Variants in WDR5 observed in about 807,000 individuals in gnomAD.
WDR5 encodes WD repeat domain 5.
For missense variants in WDR5, 187 were observed against 416.9 expected, an observed-to-expected ratio of 0.45 and a Z score of 4.80; for synonymous variants, 144 against 161.6, an observed-to-expected ratio of 0.89 and a Z score of 0.83.
rs996722012 is a variant in WDR5, at chr9:134,139,929, A to C, written c.52A>C (p.Thr18Pro). 1.4e-5 allele frequency: 22 copies of C among 1,613,022 alleles called. No homozygotes were observed. Among genetic ancestry groups the C allele is most frequent in the African/African-American group, 4.0e-5 (3 of 74,756 alleles). Reference protein sequence around the residue: ...PETEAARAQPTPSSSATQSKP... With the variant: ...PETEAARAQPPPSSSATQSKP... ...GACCGAGGCCGCCAGAGCACAGCCA[A>C]CCCCTTCGTCATCCGCCACTCAGAG... Residue 18 changes from threonine to proline, a missense_variant, in exon 2 of 14, where the codon ACC becomes CCC. Physicochemically the swap from Thr to Pro is conservative, Grantham distance 38. Transcript: ENST00000358625.
At chr9:134,149,419 C>T (rs1043144358) in intron 8 of WDR5, among the ~76,000 whole-genome samples, 4 of 152,204 alleles carry the variant, frequency 2.6e-5, no homozygotes, top group African/African-American at 4.8e-5. Flanking sequence ...GTAGTCTCCA[C>T]GGTTAAAGCC....
intron 1 of WDR5, among the ~76,000 whole-genome samples, chr9:134,137,638 C>T (rs898318653): frequency 2.9e-5 from 4 of 137,754 alleles, no homozygotes; most frequent in Admixed American, 8.2e-5. Flanking sequence ...GAGCCCAGAT[C>T]GTGCACCTGG....
At chr9:134,139,016 G>C (rs1366179019) in intron 1 of WDR5, among the ~76,000 whole-genome samples, 3 of 152,214 alleles carry the variant, frequency 2.0e-5, no homozygotes, top group South Asian at 2.1e-4. Flanking sequence ...GCTGCTTACT[G>C]TACAGATTTG....
In WDR5 at chr9:134,149,657, G is replaced by GA. The variant is rs1418196514; in HGVS notation, c.584+1319dup. Reference sequence around the variant, plus strand: ...CTCTAAGAACTTTCTAAAGAAATCAGAAAAAGTATACCAAGGAAATTAGGA... The same window carrying GA: ...CTCTAAGAACTTTCTAAAGAAATCAGAAAAAAGTATACCAAGGAAATTAGGA... On this transcript the variant is annotated intron_variant, in intron 8 of 13. Coordinates refer to ENST00000358625, the MANE Select transcript of WDR5 (RefSeq NM_017588.3). 8.5e-5 allele frequency among the ~76,000 whole-genome samples: 13 copies of GA among 152,264 alleles called. No individual in the cohort carries two copies. The South Asian group carries it at 2.7e-3, about 32-fold the overall frequency.
rs185070788 is a variant in WDR5, at chr9:134,158,018, G to A, written c.*25G>A. 94 of 1,608,632 alleles carry A rather than the reference G, an allele frequency of 5.8e-5. No individual in the cohort carries two copies. In the African/African-American group the frequency reaches 9.6e-4, roughly 16 times the overall value. On this transcript the variant is annotated 3_prime_UTR_variant, in exon 14 of 14. Coordinates refer to ENST00000358625, the MANE Select transcript of WDR5 (RefSeq NM_017588.3). ...AGTCCCTTTGCTCCTGCCCGCGAGA[G>A]ACTGTCGGGAAGTTGACCCGGATTG...
In WDR5 at chr9:134,154,449, G is replaced by T; in HGVS notation, c.632-17G>T. 6.2e-7 allele frequency: 1 copy of T among 1,614,142 alleles called. No individual in the cohort carries two copies. Among genetic ancestry groups the T allele is most frequent in the Non-Finnish European group, 8.5e-7 (1 of 1,179,972 alleles). ...TGTCAGCGCCCGCCGTGTGTCACCTGTCCGTTTTTATTGCAGATGACGACA... is the reference window on the plus strand; with the variant it reads ...TGTCAGCGCCCGCCGTGTGTCACCTTTCCGTTTTTATTGCAGATGACGACA... On this transcript the variant is annotated splice_polypyrimidine_tract_variant and intron_variant, in intron 9 of 13. Transcript: ENST00000358625.
chr9:134,136,149 G>A lies in WDR5; in HGVS notation c.-110G>A, dbSNP rs1420283898. On this transcript the variant is annotated 5_prime_UTR_variant, in exon 1 of 14. Transcript: ENST00000358625. ...GCTGAGTCCGCGCTCCCGCCCAGGCGGCGGCCGACGCGACGCCCCGAGCGC... is the reference window on the plus strand; with the variant it reads ...GCTGAGTCCGCGCTCCCGCCCAGGCAGCGGCCGACGCGACGCCCCGAGCGC... 1 of 147,516 alleles carries A rather than the reference G, an allele frequency of 6.8e-6. No homozygotes were observed. Among genetic ancestry groups the A allele is most frequent in the Non-Finnish European group, 1.5e-5 (1 of 66,336 alleles). 9.1% of individuals were successfully genotyped at this position (147,516 alleles called of 1,614,324 possible). A position where few individuals can be genotyped will look rare whatever the true frequency, so the allele number is the denominator to read the frequency against.
At chr9:134,142,786 G>C in intron 7 of WDR5, 67 bp downstream of exon 7, 1 of 1,536,344 alleles carries the variant, frequency 6.5e-7, no homozygotes, top group Non-Finnish European at 9.0e-7. Flanking sequence ...GATGTGGCCA[G>C]CTGTCTCCCT....
intron 12 of WDR5, 60 bp from the exon 13 acceptor site, chr9:134,156,445 CA>C: frequency 6.6e-7 from 1 of 1,520,148 alleles, no homozygotes; most frequent in Non-Finnish European, 9.1e-7. Context: ...CTCTCCCTTT[CA>C]CATGCATGAG....
intron 9 of WDR5, 86 bp downstream of exon 9, chr9:134,152,115 C>A: frequency 1.3e-6 from 2 of 1,483,310 alleles, no homozygotes; most frequent in South Asian, 1.2e-5. Flanking sequence ...CCAGCTCCTC[C>A]TCCCTCCTCT....
At chr9:134,142,241 T>C (rs1831932870) in intron 5 of WDR5, 92 bp from the exon 6 acceptor site, 17 of 1,404,926 alleles carry the variant, frequency 1.2e-5, no homozygotes, top group Non-Finnish European at 1.7e-5. Flanking sequence ...GCATCAGGCA[T>C]GCTTTGGGAT....
intron 9 of WDR5, among the ~76,000 whole-genome samples, chr9:134,153,860 G>A (rs1832617972): frequency 6.6e-6 from 1 of 152,200 alleles, no homozygotes; most frequent in Non-Finnish European, 1.5e-5. Context: ...ACTTCTGAGG[G>A]TCGTGGGGTT....
Position 134,139,811 on chromosome 9 carries a change from G to A in WDR5, c.-58-9G>A, listed in dbSNP as rs1050240881. 28 of 1,558,368 alleles carry A rather than the reference G, an allele frequency of 1.8e-5. No individual in the cohort carries two copies. The highest frequency in any genetic ancestry group is 2.5e-5 in the Non-Finnish European group (28 of 1,133,120). ...TTCTTGGCTCCCTGTTCTGCATCTC[G>A]CTCAACAGACTGCCTCTGTCACCGG... is the stretch of plus-strand genomic sequence containing the variant. On this transcript the variant is annotated splice_polypyrimidine_tract_variant and intron_variant, in intron 1 of 13. Coordinates refer to ENST00000358625, the MANE Select transcript of WDR5 (RefSeq NM_017588.3).
rs1832854467 is a variant in WDR5 at position 134,158,521 on chromosome 9, A to G, written c.*528A>G. 6.5e-6 allele frequency: 1 copy of G among 152,808 alleles called. No homozygotes were observed. Among genetic ancestry groups the G allele is most frequent in the South Asian group, 2.1e-4 (1 of 4,870 alleles). The allele number at this position is 152,808 out of a possible 1,614,324, so 9.5% of individuals were successfully genotyped here. On this transcript the variant is annotated 3_prime_UTR_variant, in exon 14 of 14. Coordinates refer to ENST00000358625, the MANE Select transcript of WDR5 (RefSeq NM_017588.3). ...CCTAGTGTATTTTCGTCTTTCTGGAAAACAGCATTGAGTGGTTGTTTTCTG... is the reference window on the plus strand; with the variant it reads ...CCTAGTGTATTTTCGTCTTTCTGGAGAACAGCATTGAGTGGTTGTTTTCTG...
At chr9:134,135,738 AGACAACGCCG>A (rs1420697608), upstream of WDR5, 1 of 151,866 alleles carries the variant, frequency 6.6e-6, no homozygotes, top group African/African-American at 2.4e-5. Flanking sequence ...TCGACTCCGG[AGACAACGCCG>A]GGCGACGCCA....
chr9:134,154,720 C>T (rs1271803468), intron 10 of WDR5, among the ~76,000 whole-genome samples, 179 bp downstream of exon 10: 1 of 152,210 alleles, frequency 6.6e-6, no homozygotes, highest in Non-Finnish European at 1.5e-5. Context: ...CCCGTCCATC[C>T]CTTCCCGAGG....
chr9:134,158,087 C>T lies in WDR5; in HGVS notation c.*94C>T. 1 of 1,180,052 alleles carries T rather than the reference C, an allele frequency of 8.5e-7. No homozygotes were observed. The highest frequency in any genetic ancestry group is 1.3e-6 in the Non-Finnish European group (1 of 798,412). The allele number at this position is 1,180,052 out of a possible 1,614,324, so 73.1% of individuals were successfully genotyped here. A position where few individuals can be genotyped will look rare whatever the true frequency, so the allele number is the denominator to read the frequency against. On this transcript the variant is annotated 3_prime_UTR_variant, in exon 14 of 14. Coordinates refer to ENST00000358625, the MANE Select transcript of WDR5 (RefSeq NM_017588.3). Reference sequence around the variant, plus strand: ...TGGAGGTGGTCCCCCAGATCTGCGCCTGGGGGTCAGGACAGGGCCTGATTT... The same window carrying T: ...TGGAGGTGGTCCCCCAGATCTGCGCTTGGGGGTCAGGACAGGGCCTGATTT...
chr9:134,156,313 G>C (rs866697563), intron 12 of WDR5, among the ~76,000 whole-genome samples, 193 bp from the exon 13 acceptor site: 3 of 152,342 alleles, frequency 2.0e-5, no homozygotes, highest in African/African-American at 2.4e-5. Context: ...AGAGCAGGCG[G>C]GGCTGTCCCC....
intron 1 of WDR5, among the ~76,000 whole-genome samples, chr9:134,137,123 C>T (rs1831604200): frequency 1.3e-5 from 2 of 152,150 alleles, no homozygotes; most frequent in African/African-American, 4.8e-5. Flanking sequence ...TGGGCTCCAC[C>T]TCAGGGACTG....
Sources: gnomAD v4.1 joint callset for allele counts (sites outside exome capture counted in the v4.1 genomes callset) on GRCh38, gnomAD v4.1.1 for gene constraint, MANE v1.5 for transcripts, NCBI Gene and HGNC (gene_info 2026-07-23, HGNC 2026-07-21) for gene names.